Variants in HLCS observed in about 807,000 individuals in gnomAD.
HLCS encodes the protein biotin--protein ligase.
HLCS carries 53 observed loss-of-function variants against 75.0 expected under a neutral mutation model. The ratio of observed to expected loss-of-function variants is 0.71; its 90% CI spans 0.57 to 0.89. The LOEUF is 0.89. Among genes scored for constraint, HLCS ranks in the 40% least tolerant of loss-of-function variants. HLCS has a pLI of 0.00. For synonymous variants in HLCS, 431 were observed against 428.6 expected (o/e 1.01, Z -0.07); for missense variants, 966 against 1,074.0 (o/e 0.90, Z 1.41).
At chr21:36,834,945 G>A (rs2062356702) in intron 6 of HLCS, among the ~76,000 whole-genome samples, 1 of 152,216 alleles carries the variant, frequency 6.6e-6, no homozygotes, top group Admixed American at 6.5e-5. Flanking sequence ...AAAGCAATGA[G>A]CAGCAGGAAG....
chr21:36,763,256 C>T (rs61517864), intron 8 of HLCS, among the ~76,000 whole-genome samples: 16,889 of 152,100 alleles, frequency 0.11, 1,703 homozygotes, highest in African/African-American at 0.27. Flanking sequence ...AACTCCTGCC[C>T]TCCTCAACCT....
chr21:36,893,079 CT>C (rs570272761), intron 6 of HLCS, among the ~76,000 whole-genome samples: 5 of 151,798 alleles, frequency 3.3e-5, no homozygotes, highest in African/African-American at 1.2e-4. Flanking sequence ...AAGTATCCCA[CT>C]TTTTTTTGAG....
Position 36,989,025 on chromosome 21 carries a change from AT to A in HLCS, c.-393+1132del, listed in dbSNP as rs1231987308. Among the ~76,000 whole-genome samples the A allele has an allele frequency of 6.3e-5, 9 of 143,612 alleles. No homozygotes were observed. In the East Asian group the frequency reaches 8.0e-4, roughly 13 times the overall value. The allele number at this position is 143,612 out of a possible 152,430, so 94.2% of individuals were successfully genotyped here. A position where few individuals can be genotyped will look rare whatever the true frequency, so the allele number is the denominator to read the frequency against. ...TTCTTTTTCCTTTTAATTTTATTTT[AT>A]TTTATTTATTTATTTATTTATTTTT... is the stretch of plus-strand genomic sequence containing the variant. On this transcript the variant is annotated intron_variant, in intron 1 of 11. Transcript: ENST00000336648.
intron 6 of HLCS, among the ~76,000 whole-genome samples, chr21:36,867,444 G>A (rs1210884880): frequency 1.3e-5 from 2 of 152,126 alleles, no homozygotes; most frequent in African/African-American, 4.8e-5. Context: ...TCCCCTTCTT[G>A]GCAACAGAAT....
chr21:36,924,131 T>C (rs556011433), intron 5 of HLCS, among the ~76,000 whole-genome samples: 12 of 152,154 alleles, frequency 7.9e-5, no homozygotes, highest in Non-Finnish European at 1.2e-4. Context: ...TGCCCAAAGC[T>C]TCGCCCTATC....
At chr21:36,772,663 G>A (rs1057360366) in intron 6 of HLCS, among the ~76,000 whole-genome samples, 2 of 147,176 alleles carry the variant, frequency 1.4e-5, no homozygotes, top group African/African-American at 2.5e-5. Flanking sequence ...AAAAAAAGAA[G>A]GACACATATT....
chr21:36,908,245 T>C (rs1266607284), intron 5 of HLCS, among the ~76,000 whole-genome samples: 4 of 151,616 alleles, frequency 2.6e-5, no homozygotes, highest in Admixed American at 2.0e-4. Flanking sequence ...ACAAAACTAG[T>C]CAAGAGTGGT....
At chr21:36,978,760 C>G (rs889529379) in intron 1 of HLCS, among the ~76,000 whole-genome samples, 3 of 152,108 alleles carry the variant, frequency 2.0e-5, no homozygotes, top group Non-Finnish European at 4.4e-5. Context: ...TACGTGTCAC[C>G]GAGCAAAGCA....
Position 36,842,271 on chromosome 21 carries a change from G to A in HLCS, c.1892+54589C>T, listed in dbSNP as rs116969985. On this transcript the variant is annotated intron_variant, in intron 6 of 10. Transcript: ENST00000674895. This position sits in a 1 kb window ranked among gnomAD's most constrained non-coding sequence, Gnocchi z 4.2. ...TAAGATAGCGTCAGAAATCAGGACA[G>A]TGTTCCCCAAAGGGAGGATGCAGAT... Among the ~76,000 whole-genome samples the A allele has an allele frequency of 6.6e-6, 1 of 152,180 alleles. No homozygotes were observed. Among genetic ancestry groups the A allele is most frequent in the Non-Finnish European group, 1.5e-5 (1 of 68,016 alleles).
At chr21:36,824,683 T>C (rs533749103) in intron 6 of HLCS, among the ~76,000 whole-genome samples, 12 of 152,302 alleles carry the variant, frequency 7.9e-5, no homozygotes, top group Non-Finnish European at 1.3e-4. Context: ...CCATACACGG[T>C]ACAGACTTCC....
At chr21:36,808,527 T>G (rs1201547028) in intron 6 of HLCS, among the ~76,000 whole-genome samples, 1 of 152,228 alleles carries the variant, frequency 6.6e-6, no homozygotes, top group Non-Finnish European at 1.5e-5. Context: ...ACAACCTCTA[T>G]AATAAAGAAC....
chr21:36,887,129 C>CA (rs11306825), intron 6 of HLCS, among the ~76,000 whole-genome samples: 32 of 136,320 alleles, frequency 2.3e-4, no homozygotes, highest in Middle Eastern at 3.9e-3. Flanking sequence ...GATTCTGTCT[C>CA]AAAAAAAAAA....
chr21:36,831,181 T>C (rs1056042778), intron 6 of HLCS, among the ~76,000 whole-genome samples: 1 of 152,212 alleles, frequency 6.6e-6, no homozygotes, highest in Non-Finnish European at 1.5e-5. Context: ...TTTTTTAACA[T>C]TGTTTCCTGA....
upstream of HLCS, among the ~76,000 whole-genome samples, chr21:36,971,579 A>G (rs2068790186): frequency 6.6e-6 from 1 of 152,116 alleles, no homozygotes; most frequent in Non-Finnish European, 1.5e-5. Flanking sequence ...CTGTAATCCT[A>G]CCACTCTGGG....
At chr21:36,805,429 G>A (rs533908704) in intron 6 of HLCS, among the ~76,000 whole-genome samples, 58 of 152,300 alleles carry the variant, frequency 3.8e-4, no homozygotes, top group African/African-American at 1.3e-3. Flanking sequence ...CAGGCAGGGC[G>A]GCAGGAAGGA....
rs1467161688 is a variant in HLCS, at chr21:36,748,814, G to A, written c.*5432C>T. 1 of 152,512 alleles carries A rather than the reference G, an allele frequency of 6.6e-6. No individual in the cohort carries two copies. Among genetic ancestry groups the A allele is most frequent in the Admixed American group, 6.5e-5 (1 of 15,270 alleles). The allele number at this position is 152,512 out of a possible 1,614,324, so 9.4% of individuals were successfully genotyped here. A position where few individuals can be genotyped will look rare whatever the true frequency, so the allele number is the denominator to read the frequency against. On this transcript the variant is annotated 3_prime_UTR_variant, in exon 11 of 11. Transcript: ENST00000674895. The stretch of plus-strand genomic sequence containing the variant: ...GATAACACCAAGAGTAGCACCTTCA[G>A]AATATATTGAATAGGCATTAAATGC...
chr21:36,855,617 ATTG>A (rs1469031962), intron 6 of HLCS, among the ~76,000 whole-genome samples: 2 of 150,264 alleles, frequency 1.3e-5, no homozygotes, highest in African/African-American at 4.9e-5. Context: ...ATCTCGCTCT[ATTG>A]TCCAGGCTGG....
intron 6 of HLCS, among the ~76,000 whole-genome samples, chr21:36,817,881 C>A (rs555406490): frequency 7.2e-5 from 11 of 152,274 alleles, no homozygotes; most frequent in African/African-American, 1.4e-4. Flanking sequence ...ATGTATTCTG[C>A]GAGATGTCCA....
At position 36,850,122 on chromosome 21, in the gene HLCS, T is replaced by C. The variant is rs187534190; in HGVS notation, c.1892+46738A>G. ...GTGAGTAACTTTTGGATATTACTTT[T>C]CAGAAAACATTCTGTGTGGCAGTGG... is the stretch of plus-strand genomic sequence containing the variant. On this transcript the variant is annotated intron_variant, in intron 6 of 10. Transcript: ENST00000674895. 3.9e-3 allele frequency among the ~76,000 whole-genome samples: 594 copies of C among 152,344 alleles called. 13 individuals are homozygous for C. Among genetic ancestry groups the C allele is most frequent in the East Asian group, 1.2e-3 (6 of 5,186 alleles).
Sources: gnomAD v4.1 joint callset for allele counts (sites outside exome capture counted in the v4.1 genomes callset) on GRCh38, gnomAD v4.1.1 for gene constraint, Gnocchi (gnomAD v3.1) non-coding constraint, MANE v1.5 for transcripts, NCBI Gene and HGNC (gene_info 2026-07-23, HGNC 2026-07-21) for gene names.